The following LTBP1 variants were observed in gnomAD, a reference collection of about 807,000 sequenced individuals.
LTBP1 encodes the protein latent transforming growth factor beta binding protein 1, also known as latent-transforming growth factor beta-binding protein 1.
In LTBP1, 129 loss-of-function variants were observed where a neutral mutation model predicts 207.6. That is an observed-to-expected ratio of 0.62 (90% CI 0.54 to 0.72). The LOEUF (loss-of-function observed/expected upper bound fraction) is 0.72, where lower values mean the gene tolerates loss of function less well. LTBP1 is among the 30% of genes least tolerant of loss of function. The probability of loss-of-function intolerance (pLI) is 0.00; values close to 1 mark genes in which losing one functional copy is unlikely to be tolerated. For missense variants in LTBP1, 2,281 were observed against 2,217.2 expected, an observed-to-expected ratio of 1.03 and a Z score of -0.58; for synonymous variants, 963 against 833.7, an observed-to-expected ratio of 1.16 and a Z score of -2.67.
At chr2:33,232,110 G>C (rs563073632) in intron 9 of LTBP1, among the ~76,000 whole-genome samples, 166 of 152,216 alleles carry the variant, frequency 1.1e-3, no homozygotes, top group African/African-American at 3.7e-3. Flanking sequence ...GAGGGGTAAG[G>C]GGGGATTCTG....
In LTBP1 at chr2:33,279,906, C is replaced by T. The variant is rs1384623512; in HGVS notation, c.2993-133C>T. On this transcript the variant is annotated intron_variant, in intron 18 of 33. Transcript: ENST00000404816. ...GTATTTAAGTATAGACCCAATGTCT[C>T]ACTTACCCAATTATTGTTTTTCCCA... 4 of 855,440 alleles carry T rather than the reference C, an allele frequency of 4.7e-6. No homozygotes were observed. In the African/African-American group the frequency reaches 6.7e-5, roughly 14 times the overall value. 53.0% of individuals were successfully genotyped at this position (855,440 alleles called of 1,614,324 possible).
chr2:33,284,048 AC>A (rs2093616260), intron 19 of LTBP1, among the ~76,000 whole-genome samples: 1 of 152,062 alleles, frequency 6.6e-6, no homozygotes, highest in Non-Finnish European at 1.5e-5. Flanking sequence ...TTGCTATTCA[AC>A]CCCTATATTC....
At chr2:33,331,673 C>T (rs1158013106) in intron 24 of LTBP1, among the ~76,000 whole-genome samples, 3 of 152,112 alleles carry the variant, frequency 2.0e-5, no homozygotes, top group Middle Eastern at 6.8e-3. Context: ...TTATATTATG[C>T]GGCTGGACCT....
At chr2:33,032,888 A>G (rs1022204190) in intron 3 of LTBP1, among the ~76,000 whole-genome samples, 3 of 152,214 alleles carry the variant, frequency 2.0e-5, no homozygotes, top group Admixed American at 2.0e-4. Flanking sequence ...TAGTGAGGAA[A>G]TGCTATACTT....
In LTBP1 at chr2:33,364,331, A is replaced by G. The variant is rs747015329; in HGVS notation, c.4515A>G (p.Arg1505=). 20 of 1,614,022 alleles carry G rather than the reference A, an allele frequency of 1.2e-5. No homozygotes were observed. The South Asian group carries it at 1.4e-4, about 12-fold the overall frequency. Residue 1505 remains arginine, a synonymous_variant, in exon 30 of 34, where the codon AGA becomes AGG. Transcript: ENST00000404816. ...HPMVLDASEK[R]CIRPAESNEQ... is the part of the protein sequence containing the mutation. ...TGGTCCTGGATGCGTCAGAAAAAAG[A>G]TGTATACGACCGGCTGAGTCAAACG... is the stretch of plus-strand genomic sequence containing the variant.
At chr2:32,992,613 C>T (rs772818281) in intron 2 of LTBP1, among the ~76,000 whole-genome samples, 2 of 152,110 alleles carry the variant, frequency 1.3e-5, no homozygotes, top group Non-Finnish European at 2.9e-5. Flanking sequence ...GGATTTGGAT[C>T]CAAGTATTGC....
intron 2 of LTBP1, among the ~76,000 whole-genome samples, chr2:32,966,646 T>G (rs2148509833): frequency 6.6e-6 from 1 of 152,288 alleles, no homozygotes. Flanking sequence ...GATCATGTGA[T>G]TTTTCTTCTT....
chr2:33,282,156 A>G (rs746209367), intron 19 of LTBP1, among the ~76,000 whole-genome samples: 32 of 151,986 alleles, frequency 2.1e-4, no homozygotes, highest in Admixed American at 5.9e-4. Context: ...AGATGAGTAG[A>G]ATCATAAGCA....
At chr2:33,354,090 C>G (rs541059120) in intron 26 of LTBP1, among the ~76,000 whole-genome samples, 1 of 152,224 alleles carries the variant, frequency 6.6e-6, no homozygotes, top group Admixed American at 6.5e-5. Context: ...GTCTCGATCT[C>G]CTGACCTCGT....
intron 3 of LTBP1, among the ~76,000 whole-genome samples, chr2:33,022,265 C>CTTTTTTTTTTTTTTTTTTTTTTTTTTTTT (rs3047211): frequency 8.0e-6 from 1 of 125,236 alleles, no homozygotes; most frequent in Non-Finnish European, 1.6e-5. Context: ...CCTCAATCCT[C>CTTTTTTTTTTTTTTTTTTTTTTTTTTTTT]TTTTTTTTTT....
intron 5 of LTBP1, among the ~76,000 whole-genome samples, chr2:33,141,375 G>A (rs953876202): frequency 2.0e-5 from 3 of 152,102 alleles, no homozygotes; most frequent in African/African-American, 4.8e-5. Context: ...TAATGTGAAC[G>A]TACTTAGCAC....
intron 23 of LTBP1, among the ~76,000 whole-genome samples, chr2:33,312,270 T>C (rs1406692617): frequency 6.6e-6 from 1 of 152,174 alleles, no homozygotes; most frequent in Admixed American, 6.5e-5. Flanking sequence ...TGAATAACAG[T>C]GTGTGATAGG....
chr2:33,179,777 C>G (rs1156459682), intron 5 of LTBP1, among the ~76,000 whole-genome samples: 1 of 152,094 alleles, frequency 6.6e-6, no homozygotes, highest in Non-Finnish European at 1.5e-5. Context: ...TGTAGCTATC[C>G]TTGTTTTTCC....
At chr2:33,119,995 T>C (rs2081010385) in intron 4 of LTBP1, among the ~76,000 whole-genome samples, 1 of 152,238 alleles carries the variant, frequency 6.6e-6, no homozygotes, top group Admixed American at 6.5e-5. Context: ...CTAATTTCTT[T>C]TCATTCCCAT....
chr2:33,236,551 T>A (rs11886226), intron 9 of LTBP1, among the ~76,000 whole-genome samples: 23,429 of 152,126 alleles, frequency 0.15, 2,973 homozygotes, highest in African/African-American at 0.35. Flanking sequence ...CTGGGATAGG[T>A]TTCAAAAAGG....
chr2:33,092,798 T>A (rs984964028), intron 3 of LTBP1, among the ~76,000 whole-genome samples: 4 of 152,090 alleles, frequency 2.6e-5, no homozygotes, highest in Non-Finnish European at 5.9e-5. Flanking sequence ...CTCCAAAAAG[T>A]CCCCATTTCC....
At chr2:33,266,136 C>T (rs1270238540) in intron 15 of LTBP1, among the ~76,000 whole-genome samples, 1 of 152,216 alleles carries the variant, frequency 6.6e-6, no homozygotes, top group African/African-American at 2.4e-5. Flanking sequence ...TTGGCCTCTC[C>T]CCGCTGCCAG....
At chr2:33,197,885 A>G (rs1013215482) in intron 7 of LTBP1, among the ~76,000 whole-genome samples, 4 of 152,208 alleles carry the variant, frequency 2.6e-5, no homozygotes, top group East Asian at 1.9e-4. Flanking sequence ...AGGGGAGACA[A>G]AAAATTCAAG....
chr2:33,282,375 C>T (rs1263161870), intron 19 of LTBP1, among the ~76,000 whole-genome samples: 2 of 152,122 alleles, frequency 1.3e-5, no homozygotes, highest in African/African-American at 4.8e-5. Context: ...ATCCATTGTT[C>T]ATATTGGACT....
Sources: allele counts gnomAD v4.1 joint callset (sites outside exome capture counted in the v4.1 genomes callset), GRCh38; gene constraint gnomAD v4.1.1; transcripts MANE v1.5; gene names NCBI Gene and HGNC (gene_info 2026-07-23, HGNC 2026-07-21).